Variants in SPATA6 observed in about 807,000 individuals in gnomAD.
SPATA6 encodes the protein spermatogenesis associated 6.
A neutral mutation model predicts 65.3 loss-of-function variants in SPATA6; 56 were observed. That is an observed-to-expected ratio of 0.86 (90% confidence interval 0.69 to 1.07). The LOEUF is 1.07. Ranked by LOEUF, SPATA6 falls within the 50% of genes least tolerant of loss-of-function variation. The pLI is 0.00. For missense variants in SPATA6, 590 were observed against 594.8 expected (o/e 0.99, Z 0.08); for synonymous variants, 199 against 213.2 (o/e 0.93, Z 0.58).
the SPATA6 span, among the ~76,000 whole-genome samples, chr1:48,271,747 T>C: frequency 1.3e-5 from 2 of 152,142 alleles, no homozygotes; most frequent in East Asian, 1.9e-4. Flanking sequence ...ACAGGTAAGA[T>C]AGTCACTGAT....
At chr1:48,402,223 A>C (rs1255000418) in intron 6 of SPATA6, among the ~76,000 whole-genome samples, 1 of 152,216 alleles carries the variant, frequency 6.6e-6, no homozygotes, top group East Asian at 1.9e-4. Context: ...CATAAGTACA[A>C]TTAAACTATG....
chr1:48,338,064 T>A (rs1199543039), intron 11 of SPATA6, among the ~76,000 whole-genome samples: 1 of 152,004 alleles, frequency 6.6e-6, no homozygotes, highest in Non-Finnish European at 1.5e-5. Flanking sequence ...TATAAAGAGT[T>A]ACTACAAACC....
chr1:48,275,181 A>C, the SPATA6 span, among the ~76,000 whole-genome samples: 1 of 152,148 alleles, frequency 6.6e-6, no homozygotes, highest in African/African-American at 2.4e-5. Context: ...ATTTTTGCAC[A>C]TTGATTTTGT....
At chr1:48,363,484 A>G (rs1359495299) in intron 9 of SPATA6, among the ~76,000 whole-genome samples, 4 of 152,192 alleles carry the variant, frequency 2.6e-5, no homozygotes, top group Non-Finnish European at 5.9e-5. Context: ...AAAACACAAT[A>G]TTACAGATTT....
chr1:48,277,718 T>A, the SPATA6 span, among the ~76,000 whole-genome samples: 2 of 152,232 alleles, frequency 1.3e-5, no homozygotes, highest in Non-Finnish European at 2.9e-5. Context: ...CAAGGAGGCC[T>A]GCCTGCCTCT....
At chr1:48,315,341 C>G (rs952799476) in intron 11 of SPATA6, among the ~76,000 whole-genome samples, 1 of 152,156 alleles carries the variant, frequency 6.6e-6, no homozygotes, top group Non-Finnish European at 1.5e-5. Context: ...ACTTATCCAT[C>G]ATGATCAAGT....
chr1:48,391,135 C>T (rs1027890615), intron 8 of SPATA6, among the ~76,000 whole-genome samples: 1 of 146,884 alleles, frequency 6.8e-6, no homozygotes, highest in Non-Finnish European at 1.5e-5. Context: ...GAGACCAAGA[C>T]AGGAGGATCT....
intron 2 of SPATA6, among the ~76,000 whole-genome samples, chr1:48,452,649 G>C (rs773686044): frequency 6.6e-6 from 1 of 152,144 alleles, no homozygotes. Context: ...CTCCCAAAGT[G>C]CTGGGATTGC....
chr1:48,428,233 T>C (rs1654022948), intron 3 of SPATA6, among the ~76,000 whole-genome samples: 1 of 152,130 alleles, frequency 6.6e-6, no homozygotes, highest in South Asian at 2.1e-4. Context: ...GCCAGGCAGA[T>C]CACCTGAAGT....
At chr1:48,445,996 T>C (rs927546468) in intron 3 of SPATA6, among the ~76,000 whole-genome samples, 3 of 152,058 alleles carry the variant, frequency 2.0e-5, no homozygotes, top group Non-Finnish European at 4.4e-5. Flanking sequence ...TAGGTCCAAT[T>C]AGGAGAGAGA....
At position 48,401,782 on chromosome 1, in the gene SPATA6, C is replaced by T. The variant is rs1651188333; in HGVS notation, c.486+2020G>A. Reference sequence around the variant, plus strand: ...GCCAACCATTCTAGACTAAAGAAATCAACCAGCAGATCCACAGAACTGTGA... The same window carrying T: ...GCCAACCATTCTAGACTAAAGAAATTAACCAGCAGATCCACAGAACTGTGA... On this transcript the variant is annotated intron_variant, in intron 6 of 12. Coordinates refer to ENST00000371847, the MANE Select transcript of SPATA6 (RefSeq NM_019073.4). 3.3e-5 allele frequency among the ~76,000 whole-genome samples: 5 copies of T among 152,248 alleles called. No homozygotes were observed. In the South Asian group the frequency reaches 1.0e-3, roughly 32 times the overall value.
rs553703745 is a variant in SPATA6 at position 48,316,444 on chromosome 1, A to G, written c.1195-10566T>C. 5.3e-4 allele frequency among the ~76,000 whole-genome samples: 80 copies of G among 152,352 alleles called. 2 individuals carry two copies. In the South Asian group the frequency reaches 0.014, roughly 26 times the overall value. ...ACAAAAAATGGGGAAAGGATTCCCT[A>G]TTTAATAAATAGTGCTGGGAAAACT... On this transcript the variant is annotated intron_variant, in intron 11 of 12. Coordinates refer to ENST00000371847, the MANE Select transcript of SPATA6 (RefSeq NM_019073.4).
intron 9 of SPATA6, among the ~76,000 whole-genome samples, chr1:48,382,560 C>T (rs1648803998): frequency 5.5e-5 from 6 of 109,550 alleles, no homozygotes; most frequent in African/African-American, 1.4e-4. Flanking sequence ...CCTCACCTCC[C>T]GGACGGGGCG....
chr1:48,469,849 G>A (rs909251210), intron 1 of SPATA6, among the ~76,000 whole-genome samples: 2 of 151,762 alleles, frequency 1.3e-5, no homozygotes, highest in African/African-American at 4.8e-5. Flanking sequence ...TGCTCCTTCT[G>A]AGCATCAGAG....
At chr1:48,280,023 G>C in the SPATA6 span, among the ~76,000 whole-genome samples, 1 of 152,222 alleles carries the variant, frequency 6.6e-6, no homozygotes, top group African/African-American at 2.4e-5. Flanking sequence ...TCAGGATTAA[G>C]AAACTCACTG....
In SPATA6 at chr1:48,408,541, T is replaced by A. The variant is rs189738323; in HGVS notation, c.405+2923A>T. Among the ~76,000 whole-genome samples the A allele has an allele frequency of 9.9e-4, 151 of 152,338 alleles. 1 individual carries two copies. Among genetic ancestry groups the A allele is most frequent in the African/African-American group, 3.5e-3 (147 of 41,564 alleles). Reference sequence around the variant, plus strand: ...ATCAATTATTTCAATTTTTCACTATTATGAACCAACAGGTAAACATTCTTA... The same window carrying A: ...ATCAATTATTTCAATTTTTCACTATAATGAACCAACAGGTAAACATTCTTA... On this transcript the variant is annotated intron_variant, in intron 5 of 12. Coordinates refer to ENST00000371847, the MANE Select transcript of SPATA6 (RefSeq NM_019073.4).
chr1:48,357,249 T>C (rs1646686976), intron 10 of SPATA6, among the ~76,000 whole-genome samples: 3 of 152,124 alleles, frequency 2.0e-5, no homozygotes, highest in Non-Finnish European at 4.4e-5. Flanking sequence ...AAATTTTATA[T>C]TATAATATTA....
chr1:48,372,734 T>C (rs1647428543), intron 9 of SPATA6, among the ~76,000 whole-genome samples: 1 of 152,262 alleles, frequency 6.6e-6, no homozygotes, highest in Non-Finnish European at 1.5e-5. Flanking sequence ...ATACATCTTC[T>C]GAAAACTAGG....
In SPATA6 at chr1:48,297,869, TGCCTTGG is replaced by T. The variant is rs1229093799; in HGVS notation, c.*837_*843del. The stretch of plus-strand genomic sequence containing the variant: ...TTTTAAAGTGAGGATACTATAATAG[TGCCTTGG>T]GCCATATGGTACTTACACAAATTCC... On this transcript the variant is annotated 3_prime_UTR_variant, in exon 13 of 13. Coordinates refer to ENST00000371847, the MANE Select transcript of SPATA6 (RefSeq NM_019073.4). 1.3e-5 allele frequency: 2 copies of T among 152,228 alleles called. No individual in the cohort carries two copies. The highest frequency in any genetic ancestry group is 1.3e-4 in the Admixed American group (2 of 15,278). 9.4% of individuals were successfully genotyped at this position (152,228 alleles called of 1,614,324 possible). A position where few individuals can be genotyped will look rare whatever the true frequency, so the allele number is the denominator to read the frequency against.
Sources: allele counts gnomAD v4.1 joint callset (sites outside exome capture counted in the v4.1 genomes callset), GRCh38; gene constraint gnomAD v4.1.1; transcripts MANE v1.5; gene names NCBI Gene and HGNC (gene_info 2026-07-23, HGNC 2026-07-21).